The following CBLB variants were observed in gnomAD, a reference collection of about 807,000 sequenced individuals.
CBLB encodes the protein Cbl proto-oncogene B, also known as E3 ubiquitin-protein ligase CBL-B.
A neutral mutation model predicts 104.9 loss-of-function variants in CBLB; 31 were observed. The ratio of observed to expected loss-of-function variants is 0.30; its 90% CI spans 0.22 to 0.40. The LOEUF (loss-of-function observed/expected upper bound fraction) is 0.40. CBLB is among the 10% of genes least tolerant of loss of function. The probability of loss-of-function intolerance (pLI) is 1.00; values close to 1 mark genes in which losing one functional copy is unlikely to be tolerated. For synonymous variants in CBLB, 440 were observed against 422.6 expected (o/e 1.04, Z -0.51); for missense variants, 1,062 against 1,214.6 (o/e 0.87, Z 1.87).
chr3:105,858,854 C>T (rs2091855522), intron 2 of CBLB, among the ~76,000 whole-genome samples: 2 of 152,088 alleles, frequency 1.3e-5, no homozygotes, highest in African/African-American at 4.8e-5. Flanking sequence ...TTTGTATTTG[C>T]TTAAATGTAT....
At chr3:105,813,568 C>T (rs541176977) in intron 3 of CBLB, among the ~76,000 whole-genome samples, 10 of 151,954 alleles carry the variant, frequency 6.6e-5, no homozygotes, top group African/African-American at 2.4e-4. Context: ...AATTATACTT[C>T]AATAAAGCTG....
At chr3:105,858,022 G>A (rs1449508888) in intron 2 of CBLB, among the ~76,000 whole-genome samples, 1 of 152,182 alleles carries the variant, frequency 6.6e-6, no homozygotes, top group Non-Finnish European at 1.5e-5. Context: ...GAGCAAGCAT[G>A]TTAAGAGAGA....
At chr3:105,737,746 A>G (rs980892158) in intron 7 of CBLB, among the ~76,000 whole-genome samples, 1 of 152,136 alleles carries the variant, frequency 6.6e-6, no homozygotes, top group Non-Finnish European at 1.5e-5. Context: ...TCCTGTTTCT[A>G]CAGTTTCCAT....
intron 3 of CBLB, among the ~76,000 whole-genome samples, chr3:105,804,507 C>T (rs1222227905): frequency 2.7e-5 from 4 of 145,730 alleles, no homozygotes; most frequent in African/African-American, 1.0e-4. Context: ...GGTGACAGAG[C>T]AAGACTCTGT....
At chr3:105,707,258 A>C (rs948464526) in intron 10 of CBLB, among the ~76,000 whole-genome samples, 16 of 152,224 alleles carry the variant, frequency 1.1e-4, no homozygotes, top group Non-Finnish European at 2.9e-5. Flanking sequence ...AGCGCAATTC[A>C]TACTGTGTTC....
intron 9 of CBLB, among the ~76,000 whole-genome samples, chr3:105,725,247 G>A (rs1341701932): frequency 6.6e-6 from 1 of 152,114 alleles, no homozygotes; most frequent in Non-Finnish European, 1.5e-5. Context: ...TTTTTACATA[G>A]TAAAAGCTTT....
At chr3:105,750,410 C>G (rs189555271) in intron 5 of CBLB, among the ~76,000 whole-genome samples, 16 of 152,212 alleles carry the variant, frequency 1.1e-4, no homozygotes, top group African/African-American at 3.4e-4. Context: ...CAACATTATA[C>G]TCTGATATTT....
Position 105,658,928 on chromosome 3 carries a change from T to G in CBLB, c.*42A>C. ...TCTCTTTATTTCCACACTCTTGGAATACATCGATTGCTTTCCATTTTGGTG... is the reference window on the plus strand; with the variant it reads ...TCTCTTTATTTCCACACTCTTGGAAGACATCGATTGCTTTCCATTTTGGTG... On this transcript the variant is annotated 3_prime_UTR_variant, in exon 19 of 19. Transcript: ENST00000394030. 6.3e-7 allele frequency: 1 copy of G among 1,597,890 alleles called. No individual in the cohort carries two copies. Among genetic ancestry groups the G allele is most frequent in the Non-Finnish European group, 8.6e-7 (1 of 1,165,852 alleles).
intron 3 of CBLB, among the ~76,000 whole-genome samples, chr3:105,838,020 G>A (rs2088837719): frequency 6.6e-6 from 1 of 151,220 alleles, no homozygotes; most frequent in Admixed American, 6.6e-5. Context: ...ATAAAGCACT[G>A]TTCTGGATAC....
intron 18 of CBLB, among the ~76,000 whole-genome samples, chr3:105,662,461 C>T (rs1411778221): frequency 6.6e-6 from 1 of 152,150 alleles, no homozygotes; most frequent in Non-Finnish European, 1.5e-5. Flanking sequence ...TGTGTTTGCT[C>T]TAGTGCTACC....
At chr3:105,796,166 A>G (rs1160024086) in intron 3 of CBLB, among the ~76,000 whole-genome samples, 1 of 152,246 alleles carries the variant, frequency 6.6e-6, no homozygotes, top group Non-Finnish European at 1.5e-5. Flanking sequence ...ACAAAGCTAG[A>G]GACATCACAA....
chr3:105,831,938 T>A (rs1382010305), intron 3 of CBLB, among the ~76,000 whole-genome samples: 1 of 151,932 alleles, frequency 6.6e-6, no homozygotes, highest in Non-Finnish European at 1.5e-5. Context: ...CAAATAAAAA[T>A]ACACAGAGGG....
chr3:105,840,573 C>G lies in CBLB; in HGVS notation c.419+12841G>C, dbSNP rs28555616. Among the ~76,000 whole-genome samples, 384 of 152,268 alleles carry G rather than the reference C, an allele frequency of 2.5e-3. 1 individual carries two copies. Among genetic ancestry groups the G allele is most frequent in the Non-Finnish European group, 3.9e-3 (268 of 68,012 alleles). On this transcript the variant is annotated intron_variant, in intron 3 of 18. Transcript: ENST00000394030. Reference sequence around the variant, plus strand: ...CCCTTCATATGCCAACAGCTGTAGGCTCAGACATGCCAACTGGTAACGAAA... The same window carrying G: ...CCCTTCATATGCCAACAGCTGTAGGGTCAGACATGCCAACTGGTAACGAAA...
chr3:105,701,043 G>A (rs1364038411), intron 12 of CBLB, among the ~76,000 whole-genome samples: 1 of 152,180 alleles, frequency 6.6e-6, no homozygotes, highest in African/African-American at 2.4e-5. Context: ...TCAGCAGAGG[G>A]AAGATGGCAA....
chr3:105,667,504 G>A (rs2064603252), intron 18 of CBLB, among the ~76,000 whole-genome samples: 1 of 152,068 alleles, frequency 6.6e-6, no homozygotes, highest in Non-Finnish European at 1.5e-5. Context: ...AATTTAACAT[G>A]GGCTGGTAAG....
At chr3:105,792,505 C>G (rs1202390074) in intron 3 of CBLB, among the ~76,000 whole-genome samples, 1 of 152,184 alleles carries the variant, frequency 6.6e-6, no homozygotes, top group Non-Finnish European at 1.5e-5. Flanking sequence ...ATCCCCTAGT[C>G]TTTGACAGCC....
chr3:105,867,740 T>G (rs1578041309), intron 1 of CBLB, 149 bp from the exon 2 acceptor site: 1 of 699,062 alleles, frequency 1.4e-6, no homozygotes. Context: ...ATCAATAAGC[T>G]TGTGAATTTA....
At chr3:105,800,679 A>AC (rs564711579) in intron 3 of CBLB, among the ~76,000 whole-genome samples, 1 of 151,110 alleles carries the variant, frequency 6.6e-6, no homozygotes, top group Non-Finnish European at 1.5e-5. Context: ...ATATACACAA[A>AC]CCCCCCCACC....
chr3:105,845,136 A>G (rs2090062915), intron 3 of CBLB, among the ~76,000 whole-genome samples: 2 of 152,142 alleles, frequency 1.3e-5, no homozygotes. Flanking sequence ...TCCACTGCAA[A>G]GCCAAGTTCA....
Sources: allele counts gnomAD v4.1 joint callset (sites outside exome capture counted in the v4.1 genomes callset), GRCh38; gene constraint gnomAD v4.1.1; transcripts MANE v1.5; gene names NCBI Gene and HGNC (gene_info 2026-07-23, HGNC 2026-07-21).